The following IFT57 variants were observed in gnomAD, a reference collection of about 807,000 sequenced individuals.
IFT57 encodes the protein intraflagellar transport 57.
A neutral mutation model predicts 56.8 loss-of-function variants in IFT57; 59 were observed. The observed-to-expected ratio is 1.04, with a 90% confidence interval of 0.84 to 1.29. The LOEUF (loss-of-function observed/expected upper bound fraction) is 1.29, where lower values mean the gene tolerates loss of function less well. IFT57 is among the 50% of genes most tolerant of loss of function. IFT57 has a pLI of 0.00. For missense variants in IFT57, 470 were observed against 522.1 expected, an observed-to-expected ratio of 0.90 and a Z score of 0.97; for synonymous variants, 209 against 186.1, an observed-to-expected ratio of 1.12 and a Z score of -1.00.
At chr3:108,180,047 C>T (rs530946386) in intron 6 of IFT57, among the ~76,000 whole-genome samples, 27 of 152,116 alleles carry the variant, frequency 1.8e-4, no homozygotes, top group Non-Finnish European at 3.7e-4. Flanking sequence ...AAAAATAAAA[C>T]ACTGTACATC....
intron 6 of IFT57, among the ~76,000 whole-genome samples, chr3:108,190,387 G>A (rs1166684638): frequency 6.6e-6 from 1 of 152,176 alleles, no homozygotes; most frequent in African/African-American, 2.4e-5. Context: ...GAACCTGGTG[G>A]GAAGTGATTG....
At chr3:108,190,898 T>C (rs763842761) in intron 6 of IFT57, among the ~76,000 whole-genome samples, 10 of 152,174 alleles carry the variant, frequency 6.6e-5, no homozygotes, top group Non-Finnish European at 1.3e-4. Flanking sequence ...GTTCAAACGA[T>C]TCTCCTGCCT....
chr3:108,170,625 T>C (rs2080087434), intron 6 of IFT57, among the ~76,000 whole-genome samples: 1 of 151,628 alleles, frequency 6.6e-6, no homozygotes, highest in Non-Finnish European at 1.5e-5. Context: ...CCATTGACTT[T>C]CTACCCAGAT....
At chr3:108,213,458 T>A (rs1296173) in intron 4 of IFT57, among the ~76,000 whole-genome samples, 3 of 152,114 alleles carry the variant, frequency 2.0e-5, no homozygotes, top group African/African-American at 7.2e-5. Context: ...ATGTAAAAAG[T>A]TGTAGATTCT....
chr3:108,167,341 A>T (rs189405357), intron 7 of IFT57, among the ~76,000 whole-genome samples: 10 of 152,062 alleles, frequency 6.6e-5, no homozygotes, highest in Admixed American at 6.6e-4. Flanking sequence ...TTCCAGTTGG[A>T]AATAGATCCC....
chr3:108,222,006 G>C (rs1251692268), intron 1 of IFT57, 105 bp downstream of exon 1: 1 of 1,503,054 alleles, frequency 6.7e-7, no homozygotes, highest in Non-Finnish European at 8.9e-7. Flanking sequence ...ACGGAGGCAA[G>C]GAATTGCTAA....
chr3:108,165,562 T>C (rs974373341), intron 8 of IFT57, 69 bp from the exon 9 acceptor site: 5 of 1,212,238 alleles, frequency 4.1e-6, no homozygotes, highest in Middle Eastern at 1.9e-4. Context: ...ACTGACCTCT[T>C]TGTGTTTGCA....
chr3:108,205,783 A>G (rs946163628), intron 5 of IFT57, among the ~76,000 whole-genome samples: 3 of 138,132 alleles, frequency 2.2e-5, no homozygotes, highest in Non-Finnish European at 4.6e-5. Context: ...ATATTATAAC[A>G]TATTATATAA....
At position 108,165,359 on chromosome 3, in the gene IFT57, A is replaced by G. The variant is rs2080055590; in HGVS notation, c.1044+72T>C. 6 of 1,203,384 alleles carry G rather than the reference A, an allele frequency of 5.0e-6. No homozygotes were observed. In the East Asian group the frequency reaches 1.2e-4, roughly 23 times the overall value. The allele number at this position is 1,203,384 out of a possible 1,614,324, so 74.5% of individuals were successfully genotyped here. A position where few individuals can be genotyped will look rare whatever the true frequency, so the allele number is the denominator to read the frequency against. On this transcript the variant is annotated intron_variant, in intron 9 of 10. Coordinates refer to ENST00000264538, the MANE Select transcript of IFT57 (RefSeq NM_018010.4). Reference sequence around the variant, plus strand: ...AAGCAACTGAAATTAGCAGTGTTAAACCATTTGTAGGTTCTCAATGGCTGG... The same window carrying G: ...AAGCAACTGAAATTAGCAGTGTTAAGCCATTTGTAGGTTCTCAATGGCTGG...
chr3:108,196,831 C>A (rs1225093125), intron 5 of IFT57, among the ~76,000 whole-genome samples: 1 of 152,212 alleles, frequency 6.6e-6, no homozygotes. Flanking sequence ...ATATCTATTT[C>A]ATAACCTCAT....
chr3:108,195,444 T>C (rs1434738526), intron 5 of IFT57, among the ~76,000 whole-genome samples: 1 of 152,090 alleles, frequency 6.6e-6, no homozygotes, highest in Non-Finnish European at 1.5e-5. Flanking sequence ...AAATCTATCA[T>C]ATAATCTAGC....
At chr3:108,209,371 C>A (rs893784073) in intron 4 of IFT57, among the ~76,000 whole-genome samples, 7 of 152,160 alleles carry the variant, frequency 4.6e-5, no homozygotes, top group Non-Finnish European at 8.8e-5. Context: ...CTGTTGTATG[C>A]AGAGCAGTTA....
At chr3:108,170,402 G>T (rs2080086532) in intron 6 of IFT57, among the ~76,000 whole-genome samples, 1 of 151,994 alleles carries the variant, frequency 6.6e-6, no homozygotes, top group East Asian at 1.9e-4. Context: ...ATTCACAATT[G>T]CTACAAATAA....
At chr3:108,186,727 C>T (rs1172969750) in intron 6 of IFT57, among the ~76,000 whole-genome samples, 1 of 152,118 alleles carries the variant, frequency 6.6e-6, no homozygotes, top group Non-Finnish European at 1.5e-5. Flanking sequence ...CCTTCCTCTT[C>T]CTCCACTTCT....
intron 6 of IFT57, among the ~76,000 whole-genome samples, chr3:108,186,930 G>A (rs897748751): frequency 2.6e-5 from 4 of 151,860 alleles, no homozygotes; most frequent in African/African-American, 9.7e-5. Context: ...TTATTTTATT[G>A]TAAGAATACA....
intron 1 of IFT57, among the ~76,000 whole-genome samples, chr3:108,221,145 C>T (rs113880234): frequency 6.6e-5 from 10 of 152,164 alleles, no homozygotes; most frequent in South Asian, 4.2e-4. Flanking sequence ...TATATCAAGC[C>T]TACATATCTT....
chr3:108,221,784 T>C (rs1200248233), intron 1 of IFT57, among the ~76,000 whole-genome samples: 1 of 57,056 alleles, frequency 1.8e-5, no homozygotes, highest in Non-Finnish European at 5.8e-5. Context: ...TTTTCTTCAA[T>C]GAGTATTTGT....
intron 4 of IFT57, among the ~76,000 whole-genome samples, chr3:108,212,640 G>A (rs984346084): frequency 4.6e-5 from 7 of 151,966 alleles, no homozygotes; most frequent in Admixed American, 6.6e-5. Flanking sequence ...ACACAAAATG[G>A]ACTAATACAA....
At chr3:108,168,658 C>T (rs1305614519) in intron 6 of IFT57, among the ~76,000 whole-genome samples, 1 of 151,924 alleles carries the variant, frequency 6.6e-6, no homozygotes, top group African/African-American at 2.4e-5. Flanking sequence ...CCCCATCCCC[C>T]AACAGGCCTG....
Sources: allele counts gnomAD v4.1 joint callset (sites outside exome capture counted in the v4.1 genomes callset), GRCh38; gene constraint gnomAD v4.1.1; transcripts MANE v1.5; gene names NCBI Gene and HGNC (gene_info 2026-07-23, HGNC 2026-07-21).